The following DBF4 variants were observed in gnomAD, a reference collection of about 807,000 sequenced individuals.
DBF4 encodes the protein DBF4-CDC7 kinase regulatory subunit.
A neutral mutation model predicts 76.6 loss-of-function variants in DBF4; 25 were observed. That is an observed-to-expected ratio of 0.33 (90% confidence interval 0.24 to 0.46). The LOEUF (loss-of-function observed/expected upper bound fraction) is 0.46. Among genes scored for constraint, DBF4 ranks in the 20% least tolerant of loss-of-function variants. The pLI is 1.00. For synonymous variants in DBF4, 213 were observed against 258.0 expected (o/e 0.83, Z 1.67); for missense variants, 638 against 760.8 (o/e 0.84, Z 1.90).
At position 87,876,778 on chromosome 7, in the gene DBF4, G is replaced by C; in HGVS notation, c.46G>C (p.Gly16Arg). ...GATCCACAGTAAAGGACATTTCCAG[G>C]GTAAGAAGCCCCTCCTCCGCCTGCA... ...MRIHSKGHFQ[G>R]GIQVKNEKNR... The change falls in exon 1 of 12, where the codon GGT (glycine) becomes CGT (arginine). Residue 16 changes from glycine to arginine, a missense_variant and splice_region_variant. Transcript: ENST00000265728. 1 of 1,614,112 alleles carries C rather than the reference G, an allele frequency of 6.2e-7. No homozygotes were observed. Among genetic ancestry groups the C allele is most frequent in the Admixed American group, 1.7e-5 (1 of 60,026 alleles).
chr7:87,897,997 C>CT (rs1479863100), intron 8 of DBF4, among the ~76,000 whole-genome samples: 2 of 152,204 alleles, frequency 1.3e-5, no homozygotes, highest in African/African-American at 2.4e-5. Flanking sequence ...AGGCTAGTCT[C>CT]TAACTCTTGA....
intron 2 of DBF4, among the ~76,000 whole-genome samples, 183 bp from the exon 3 acceptor site, chr7:87,884,796 C>A (rs1839302835): frequency 6.6e-6 from 1 of 152,052 alleles, no homozygotes; most frequent in Non-Finnish European, 1.5e-5. Flanking sequence ...GTTGAAAATA[C>A]CTTGGTGGCA....
rs530025300 is a variant in DBF4 at position 87,884,327 on chromosome 7, G to T, written c.220-652G>T. Among the ~76,000 whole-genome samples the T allele has an allele frequency of 7.3e-4, 111 of 152,212 alleles. 1 individual carries two copies. The Middle Eastern group carries it at 0.01, about 14-fold the overall frequency. On this transcript the variant is annotated intron_variant, in intron 2 of 11. Transcript: ENST00000265728. ...GGCTCTCTTGAGCCCAAGAGTTCAGGGCCAACCTGGGCAACATAACAAGAC... is the reference window on the plus strand; with the variant it reads ...GGCTCTCTTGAGCCCAAGAGTTCAGTGCCAACCTGGGCAACATAACAAGAC...
chr7:87,886,534 C>CT (rs1461874264), intron 3 of DBF4, among the ~76,000 whole-genome samples: 1 of 48,834 alleles, frequency 2.0e-5, no homozygotes, highest in Non-Finnish European at 3.9e-5. Context: ...GACTTTGTCT[C>CT]CAAAAAAAAA....
chr7:87,908,178 A>T lies in DBF4; in HGVS notation c.*15A>T. ...CTGGCTTTTAGAATTTAAAAAATGCATACTTTTCAGAAGTGATAAGGATCA... is the reference window on the plus strand; with the variant it reads ...CTGGCTTTTAGAATTTAAAAAATGCTTACTTTTCAGAAGTGATAAGGATCA... On this transcript the variant is annotated 3_prime_UTR_variant, in exon 12 of 12. Transcript: ENST00000265728. The T allele has an allele frequency of 6.5e-7, 1 of 1,532,552 alleles. No individual in the cohort carries two copies. Among genetic ancestry groups the T allele is most frequent in the Non-Finnish European group, 8.7e-7 (1 of 1,144,532 alleles). 94.9% of individuals were successfully genotyped at this position (1,532,552 alleles called of 1,614,324 possible). A position where few individuals can be genotyped will look rare whatever the true frequency, so the allele number is the denominator to read the frequency against.
chr7:87,890,809 C>G (rs57593184), intron 6 of DBF4, among the ~76,000 whole-genome samples: 1 of 151,956 alleles, frequency 6.6e-6, no homozygotes, highest in Admixed American at 6.6e-5. Context: ...CCTCATAAAA[C>G]GAAGAAAAGA....
At chr7:87,898,287 A>G (rs921965709) in intron 8 of DBF4, among the ~76,000 whole-genome samples, 1 of 152,224 alleles carries the variant, frequency 6.6e-6, no homozygotes, top group African/African-American at 2.4e-5. Flanking sequence ...AAGGAGGCCT[A>G]GAAAAGACAC....
intron 8 of DBF4, 74 bp downstream of exon 8, chr7:87,897,413 G>C (rs924940708): frequency 8.0e-6 from 11 of 1,379,048 alleles, no homozygotes; most frequent in Admixed American, 1.8e-5. Context: ...AATTAGGCTA[G>C]CTCGATTAGT....
At chr7:87,903,296 C>T (rs1007826277) in intron 10 of DBF4, among the ~76,000 whole-genome samples, 20 of 152,162 alleles carry the variant, frequency 1.3e-4, no homozygotes, top group South Asian at 6.2e-4. Context: ...GCCAGGAGGT[C>T]TCGAACTCCT....
intron 6 of DBF4, among the ~76,000 whole-genome samples, chr7:87,894,959 A>T (rs1839597271): frequency 6.6e-6 from 1 of 151,888 alleles, no homozygotes; most frequent in Non-Finnish European, 1.5e-5. Context: ...TTTTTTCTTC[A>T]CTAGTCTCTC....
intron 10 of DBF4, among the ~76,000 whole-genome samples, chr7:87,903,151 C>G (rs1388200721): frequency 6.6e-6 from 1 of 152,200 alleles, no homozygotes; most frequent in African/African-American, 2.4e-5. Flanking sequence ...GGTGCAATCT[C>G]AGCTCACTGT....
chr7:87,908,362 T>C lies in DBF4; in HGVS notation c.*199T>C. The C allele has an allele frequency of 2.3e-6, 1 of 441,060 alleles. No homozygotes were observed. Among genetic ancestry groups the C allele is most frequent in the East Asian group, 4.1e-5 (1 of 24,506 alleles). 27.3% of individuals were successfully genotyped at this position (441,060 alleles called of 1,614,324 possible). A position where few individuals can be genotyped will look rare whatever the true frequency, so the allele number is the denominator to read the frequency against. On this transcript the variant is annotated 3_prime_UTR_variant, in exon 12 of 12. Transcript: ENST00000265728. ...AATTACAGAATAAACTTGTGACTGGTCTTGTTTTACATTATATATATGTTC... is the reference window on the plus strand; with the variant it reads ...AATTACAGAATAAACTTGTGACTGGCCTTGTTTTACATTATATATATGTTC...
At chr7:87,906,323 GTT>G (rs11295594) in intron 11 of DBF4, among the ~76,000 whole-genome samples, 17 of 135,480 alleles carry the variant, frequency 1.3e-4, no homozygotes, top group East Asian at 2.2e-4. Flanking sequence ...TGTTAGAGTA[GTT>G]TTTTTTTTTT....
intron 6 of DBF4, among the ~76,000 whole-genome samples, chr7:87,889,680 A>G (rs930078352): frequency 6.6e-6 from 1 of 152,186 alleles, no homozygotes; most frequent in Non-Finnish European, 1.5e-5. Flanking sequence ...TTTTTAATAA[A>G]TTCACGTTTA....
At chr7:87,888,279 C>G in intron 6 of DBF4, 1 of 984,766 alleles carries the variant, frequency 1.0e-6, no homozygotes. Context: ...TTCCTCAGCC[C>G]CCTTTTGTTA....
intron 6 of DBF4, 91 bp downstream of exon 6, chr7:87,888,150 T>C: frequency 7.0e-7 from 1 of 1,423,816 alleles, no homozygotes; most frequent in Non-Finnish European, 9.3e-7. Flanking sequence ...GAAAATATCC[T>C]AGGGGCAAGC....
chr7:87,887,296 C>T (rs749481653), intron 4 of DBF4, 33 bp from the exon 5 acceptor site: 4 of 1,386,728 alleles, frequency 2.9e-6, no homozygotes, highest in Non-Finnish European at 3.0e-6. Context: ...TAAATAATTT[C>T]CTAGAACAAC....
chr7:87,879,615 A>G (rs994818273), intron 2 of DBF4, among the ~76,000 whole-genome samples: 1 of 152,180 alleles, frequency 6.6e-6, no homozygotes, highest in East Asian at 1.9e-4. Context: ...TAATTCCCAC[A>G]GCAACATAGT....
chr7:87,877,018 C>T (rs1048005360), intron 1 of DBF4, among the ~76,000 whole-genome samples: 1 of 152,220 alleles, frequency 6.6e-6, no homozygotes, highest in Non-Finnish European at 1.5e-5. Flanking sequence ...CCGGTCGTGC[C>T]TTCGGTTGAA....
Sources: allele counts gnomAD v4.1 joint callset (sites outside exome capture counted in the v4.1 genomes callset), GRCh38; gene constraint gnomAD v4.1.1; transcripts MANE v1.5; gene names NCBI Gene and HGNC (gene_info 2026-07-23, HGNC 2026-07-21).